The following PCDH15 variants were observed in gnomAD, a reference collection of about 807,000 sequenced individuals.
PCDH15 encodes protocadherin-15.
In PCDH15, 129 loss-of-function variants were observed where a neutral mutation model predicts 178.5. The observed-to-expected ratio is 0.72, with a 90% CI of 0.63 to 0.84. The LOEUF (loss-of-function observed/expected upper bound fraction) is 0.84. Ranked by LOEUF, PCDH15 falls within the 40% of genes least tolerant of loss-of-function variation. The pLI is 0.00. For synonymous variants in PCDH15, 800 were observed against 732.0 expected, an observed-to-expected ratio of 1.09 and a Z score of -1.50; for missense variants, 2,230 against 2,099.9, an observed-to-expected ratio of 1.06 and a Z score of -1.21.
intron 2 of PCDH15, among the ~76,000 whole-genome samples, chr10:55,437,590 A>G (rs555368549): frequency 1.6e-4 from 25 of 152,236 alleles, no homozygotes; most frequent in African/African-American, 5.3e-4. Context: ...AGAAAGCACT[A>G]TTCATTGAAG....
intron 29 of PCDH15, among the ~76,000 whole-genome samples, chr10:53,836,574 C>T (rs1350759035): frequency 6.6e-6 from 1 of 152,184 alleles, no homozygotes; most frequent in Non-Finnish European, 1.5e-5. Context: ...ATTTTTGAAG[C>T]TTTTGGCACA....
chr10:55,553,756 A>G (rs927901837), intron 2 of PCDH15, among the ~76,000 whole-genome samples: 2 of 152,042 alleles, frequency 1.3e-5, no homozygotes, highest in South Asian at 2.1e-4. Flanking sequence ...GTTAACTAAT[A>G]TGATGAGTAT....
intron 2 of PCDH15, among the ~76,000 whole-genome samples, chr10:55,071,390 G>C (rs1244843474): frequency 6.6e-6 from 1 of 152,096 alleles, no homozygotes; most frequent in Non-Finnish European, 1.5e-5. Context: ...CAAAGTAAAA[G>C]GATGGAGGAA....
chr10:54,364,844 T>A (rs764641941), intron 5 of PCDH15, among the ~76,000 whole-genome samples: 1 of 152,146 alleles, frequency 6.6e-6, no homozygotes, highest in South Asian at 2.1e-4. Flanking sequence ...TCATTCAGAT[T>A]ATTGGCTGTA....
At chr10:55,220,606 A>G (rs1840846019) in intron 1 of PCDH15, among the ~76,000 whole-genome samples, 1 of 152,124 alleles carries the variant, frequency 6.6e-6, no homozygotes, top group South Asian at 2.1e-4. Context: ...GCATGTTACT[A>G]TACTAAATGT....
intron 21 of PCDH15, among the ~76,000 whole-genome samples, chr10:53,985,122 T>A (rs2091004758): frequency 1.3e-5 from 2 of 152,200 alleles, no homozygotes; most frequent in African/African-American, 4.8e-5. Context: ...AAAATATTGA[T>A]CTTTGCTATT....
upstream of PCDH15, among the ~76,000 whole-genome samples, chr10:54,805,990 C>T (rs1952771395): frequency 6.6e-6 from 1 of 151,966 alleles, no homozygotes; most frequent in African/African-American, 2.4e-5. Context: ...ATTATAAAGT[C>T]AAATTATTTG....
chr10:53,813,100 A>T (rs1333475825), intron 35 of PCDH15, among the ~76,000 whole-genome samples: 2 of 152,138 alleles, frequency 1.3e-5, no homozygotes, highest in Non-Finnish European at 2.9e-5. Context: ...AAATAAAAAG[A>T]TGGAAACACT....
intron 3 of PCDH15, among the ~76,000 whole-genome samples, chr10:54,481,996 G>A (rs2078752144): frequency 6.6e-6 from 1 of 151,612 alleles, no homozygotes. Context: ...TCCTATTTAG[G>A]ACCTGACTTC....
chr10:53,805,980 T>G lies in PCDH15; in HGVS notation c.*599A>C, dbSNP rs936466894. ...CTAAAGGGTCAAGATATAAATGTAT[T>G]TATGGTAAAATGTGAAAACCTTTAT... On this transcript the variant is annotated 3_prime_UTR_variant, in exon 38 of 38. Coordinates refer to ENST00000644397, the MANE Select transcript of PCDH15 (RefSeq NM_001384140.1). The G allele has an allele frequency of 3.9e-5, 6 of 152,074 alleles. No individual in the cohort carries two copies. The highest frequency in any genetic ancestry group is 1.4e-4 in the African/African-American group (6 of 41,388). 9.4% of individuals were successfully genotyped at this position (152,074 alleles called of 1,614,324 possible). A position where few individuals can be genotyped will look rare whatever the true frequency, so the allele number is the denominator to read the frequency against.
At chr10:55,261,775 A>AAAAAGTAAATTTT (rs1664013852) in intron 1 of PCDH15, among the ~76,000 whole-genome samples, 1 of 152,220 alleles carries the variant, frequency 6.6e-6, no homozygotes, top group Non-Finnish European at 1.5e-5. Flanking sequence ...AATCATATTT[A>AAAAAGTAAATTTT]AAAAGTAAAT....
At chr10:54,025,473 C>T (rs949359257) in intron 18 of PCDH15, among the ~76,000 whole-genome samples, 5 of 151,398 alleles carry the variant, frequency 3.3e-5, no homozygotes. Context: ...GTCCCCATAT[C>T]CCTTGGTTCA....
At chr10:54,503,784 T>C (rs1160370219) in intron 3 of PCDH15, among the ~76,000 whole-genome samples, 1 of 152,098 alleles carries the variant, frequency 6.6e-6, no homozygotes, top group Non-Finnish European at 1.5e-5. Flanking sequence ...AAGAGGTGTT[T>C]AGATTGTTCT....
At chr10:55,599,472 G>T (rs571531436) in intron 2 of PCDH15, 1 of 152,418 alleles carries the variant, frequency 6.6e-6, no homozygotes, top group Non-Finnish European at 1.5e-5. Flanking sequence ...TTAAGAAAGC[G>T]TTTAAGCTCA....
chr10:54,457,938 G>A (rs1261100003), intron 3 of PCDH15, among the ~76,000 whole-genome samples: 1 of 152,056 alleles, frequency 6.6e-6, no homozygotes, highest in Non-Finnish European at 1.5e-5. Flanking sequence ...GCTGTATATG[G>A]GATGTTGTTT....
At chr10:55,556,667 A>G (rs1430143541) in intron 2 of PCDH15, among the ~76,000 whole-genome samples, 1 of 151,736 alleles carries the variant, frequency 6.6e-6, no homozygotes, top group African/African-American at 2.4e-5. Flanking sequence ...CCTGTCCCGC[A>G]AAGAAAAAAA....
At chr10:54,208,676 C>T (rs76057873) in intron 10 of PCDH15, among the ~76,000 whole-genome samples, 3,592 of 151,954 alleles carry the variant, frequency 0.024, 58 homozygotes, top group Middle Eastern at 0.082. Context: ...TCCACCCAGT[C>T]TTTTGTACTT....
At position 55,339,676 on chromosome 10, in the gene PCDH15, C is replaced by T. The variant is rs183105808; in HGVS notation, c.-155-173025G>A. On this transcript the variant is annotated intron_variant, in intron 2 of 5. Coordinates refer to the PCDH15 transcript ENST00000613346. Reference sequence around the variant, plus strand: ...ATAAAATGATAAACTGTTTTGAAGCCATCTTACAGAGGGACTGATTGACAG... The same window carrying T: ...ATAAAATGATAAACTGTTTTGAAGCTATCTTACAGAGGGACTGATTGACAG... 7.9e-3 allele frequency among the ~76,000 whole-genome samples: 1,204 copies of T among 152,136 alleles called. 7 individuals carry two copies. The highest frequency in any genetic ancestry group is 0.013 in the Non-Finnish European group (883 of 67,952).
intron 3 of PCDH15, among the ~76,000 whole-genome samples, chr10:54,522,550 C>G (rs745510114): frequency 2.3e-4 from 35 of 152,208 alleles, no homozygotes; most frequent in Non-Finnish European, 4.6e-4. Flanking sequence ...CTATCTGAAA[C>G]AGCATCACTG....
Sources: gnomAD v4.1 joint callset for allele counts (sites outside exome capture counted in the v4.1 genomes callset) on GRCh38, gnomAD v4.1.1 for gene constraint, MANE v1.5 for transcripts, NCBI Gene and HGNC (gene_info 2026-07-23, HGNC 2026-07-21) for gene names.